EFCAB5: variants seen among roughly 807,000 people sequenced by gnomAD.
EFCAB5 encodes EF-hand calcium-binding domain-containing protein 5.
In EFCAB5, 131 loss-of-function variants were observed where a neutral mutation model predicts 167.9. The observed-to-expected ratio is 0.78, with a 90% CI of 0.68 to 0.90. The LOEUF (loss-of-function observed/expected upper bound fraction) is 0.90, where lower values mean the gene tolerates loss of function less well. EFCAB5 is among the 40% of genes least tolerant of loss of function. EFCAB5 has a pLI of 0.00. For missense variants in EFCAB5, 1,663 were observed against 1,745.2 expected (o/e 0.95, Z 0.84); for synonymous variants, 574 against 602.8 (o/e 0.95, Z 0.70).
intron 22 of EFCAB5, among the ~76,000 whole-genome samples, chr17:30,101,973 G>T (rs2071388433): frequency 6.6e-6 from 1 of 152,210 alleles, no homozygotes; most frequent in South Asian, 2.1e-4. Context: ...GACTTGTCCA[G>T]TTAGCATCCT....
intron 4 of EFCAB5, among the ~76,000 whole-genome samples, chr17:29,983,383 T>C (rs1218021975): frequency 6.6e-6 from 1 of 152,184 alleles, no homozygotes; most frequent in Admixed American, 6.5e-5. Flanking sequence ...AACTTTCTGC[T>C]TACATTCTGT....
chr17:29,940,154 C>A (rs964388139), upstream of EFCAB5, among the ~76,000 whole-genome samples: 6 of 151,538 alleles, frequency 4.0e-5, no homozygotes, highest in African/African-American at 1.5e-4. Context: ...TGGCTCGCTG[C>A]AACCTCCGCC....
intron 12 of EFCAB5, among the ~76,000 whole-genome samples, chr17:30,057,045 T>C (rs1415848434): frequency 6.6e-6 from 1 of 152,236 alleles, no homozygotes; most frequent in East Asian, 1.9e-4. Context: ...ATATACTTCA[T>C]ACTGTACTAT....
rs775173788 is a variant in EFCAB5 at position 30,034,281 on chromosome 17, C to G, written c.1096C>G (p.Leu366Val). The change falls in exon 8 of 23, where the codon CTT becomes GTT. Residue 366 changes from leucine (L) to valine (V), a missense_variant. By Grantham distance (32) the Leu-to-Val change is conservative. Coordinates refer to ENST00000394835, the MANE Select transcript of EFCAB5 (RefSeq NM_198529.4). The part of the protein sequence containing the change: ...DLKSEMFEEL[L>V]KHLCHSADEF... ...GAAGAGTGAAATGTTTGAGGAACTTCTTAAGCACCTTTGCCACTCTGCAGA... is the reference window on the plus strand; with the variant it reads ...GAAGAGTGAAATGTTTGAGGAACTTGTTAAGCACCTTTGCCACTCTGCAGA... 2 of 1,613,994 alleles carry G rather than the reference C, an allele frequency of 1.2e-6. No homozygotes were observed. Among genetic ancestry groups the G allele is most frequent in the Non-Finnish European group, 1.7e-6 (2 of 1,179,900 alleles).
intron 3 of EFCAB5, among the ~76,000 whole-genome samples, chr17:29,947,570 A>T (rs75947867): frequency 0.06 from 9,088 of 151,988 alleles, 510 homozygotes; most frequent in African/African-American, 0.15. Flanking sequence ...AAAATTTAAA[A>T]TTTTTTTTTA....
rs369975163 is a variant in EFCAB5 at position 29,993,178 on chromosome 17, A to G, written c.781A>G (p.Lys261Glu). 33 of 1,610,980 alleles carry G rather than the reference A, an allele frequency of 2.0e-5. No homozygotes were observed. The African/African-American group carries it at 2.9e-4, about 14-fold the overall frequency. ...TACATCCTGCAGAGTATCCAAGATGAAGGAGAATGTTAAACAGAATAGAAA... is the reference window on the plus strand; with the variant it reads ...TACATCCTGCAGAGTATCCAAGATGGAGGAGAATGTTAAACAGAATAGAAA... ...DTICNRVSKM[K>E]ENVKQNRKQR... is the part of the protein sequence containing the mutation. The change falls in exon 5 of 23, where the codon AAG (lysine) becomes GAG (glutamate). Residue 261 changes from lysine (K) to glutamate (E), a missense_variant. Transcript: ENST00000394835.
At chr17:30,106,361 T>C (rs1016797381) in intron 22 of EFCAB5, among the ~76,000 whole-genome samples, 2 of 152,018 alleles carry the variant, frequency 1.3e-5, no homozygotes, top group African/African-American at 4.8e-5. Context: ...TCAGCAAACA[T>C]GTATTGGGTT....
chr17:30,097,400 G>A (rs2071318933), intron 22 of EFCAB5, among the ~76,000 whole-genome samples: 1 of 152,138 alleles, frequency 6.6e-6, no homozygotes, highest in East Asian at 1.9e-4. Context: ...AGAACTAAAA[G>A]CCTAAAAAGA....
chr17:30,049,378 G>A (rs1425366602), intron 8 of EFCAB5, among the ~76,000 whole-genome samples: 1 of 152,102 alleles, frequency 6.6e-6, no homozygotes, highest in Non-Finnish European at 1.5e-5. Flanking sequence ...TACTCCGGAG[G>A]CTGAGGCAGG....
intron 7 of EFCAB5, among the ~76,000 whole-genome samples, chr17:30,030,596 G>T (rs2069453987): frequency 6.6e-6 from 1 of 152,124 alleles, no homozygotes; most frequent in Non-Finnish European, 1.5e-5. Context: ...GCCCACCTCG[G>T]CCTCCCAAGT....
intron 22 of EFCAB5, among the ~76,000 whole-genome samples, chr17:30,099,248 G>C (rs1019967043): frequency 6.6e-6 from 1 of 151,892 alleles, no homozygotes; most frequent in Non-Finnish European, 1.5e-5. Context: ...GATTGCTGTT[G>C]ACAGCCTGGG....
At chr17:30,049,852 T>C (rs1213112446) in intron 8 of EFCAB5, among the ~76,000 whole-genome samples, 1 of 152,200 alleles carries the variant, frequency 6.6e-6, no homozygotes, top group Non-Finnish European at 1.5e-5. Context: ...AATCCAGTAA[T>C]TCCACTTCTA....
chr17:30,102,919 C>T (rs2071400386), intron 22 of EFCAB5, among the ~76,000 whole-genome samples: 1 of 151,980 alleles, frequency 6.6e-6, no homozygotes, highest in African/African-American at 2.4e-5. Flanking sequence ...GCAACCTCTC[C>T]CTCTCAGGCT....
intron 14 of EFCAB5, among the ~76,000 whole-genome samples, chr17:30,072,805 A>G (rs963544582): frequency 6.6e-6 from 1 of 152,008 alleles, no homozygotes; most frequent in Non-Finnish European, 1.5e-5. Context: ...TTAAAGCTAC[A>G]TTTTTCCTCT....
At chr17:30,074,847 T>C (rs548631372) in intron 14 of EFCAB5, among the ~76,000 whole-genome samples, 27 of 152,288 alleles carry the variant, frequency 1.8e-4, no homozygotes, top group Admixed American at 2.6e-4. Flanking sequence ...CCTGGAATTA[T>C]TCATCTCCCC....
intron 7 of EFCAB5, among the ~76,000 whole-genome samples, chr17:30,001,095 C>T (rs981178189): frequency 6.6e-6 from 1 of 152,196 alleles, no homozygotes; most frequent in Non-Finnish European, 1.5e-5. Context: ...CTTAGGCTGT[C>T]CCTTTGCTCC....
chr17:30,069,342 A>G, intron 14 of EFCAB5: 2 of 1,556,854 alleles, frequency 1.3e-6, no homozygotes, highest in Non-Finnish European at 1.8e-6. Flanking sequence ...GAACAGGAAA[A>G]TCAGCGACTA....
upstream of EFCAB5, among the ~76,000 whole-genome samples, chr17:29,938,007 G>A (rs1805451272): frequency 6.6e-6 from 1 of 152,168 alleles, no homozygotes; most frequent in South Asian, 2.1e-4. Flanking sequence ...TATACTAGTG[G>A]CAATGCTACA....
chr17:30,090,519 AG>A lies in EFCAB5; in HGVS notation c.3784del (p.Ala1262LeufsTer26), dbSNP rs1239880931. On this transcript the variant is annotated frameshift_variant, in exon 20 of 23. Coordinates refer to ENST00000394835, the MANE Select transcript of EFCAB5 (RefSeq NM_198529.4). LOFTEE classifies it high-confidence loss of function. ...GTTCCACTTCGTGAGAGAACAGGAG[AG>A]GCTCTGGGAGTCCTCGATTTTAACA... Reference protein sequence around the residue: ...IVVPLRERTGEALGVLDFNIG... With the variant: ...IVVPLRERTGXALGVLDFNIG... The A allele has an allele frequency of 3.1e-6, 5 of 1,614,004 alleles. No homozygotes were observed. The East Asian group carries it at 1.1e-4, about 36-fold the overall frequency.
Sources: allele counts gnomAD v4.1 joint callset (sites outside exome capture counted in the v4.1 genomes callset), GRCh38; gene constraint gnomAD v4.1.1; transcripts MANE v1.5; gene names NCBI Gene and HGNC (gene_info 2026-07-23, HGNC 2026-07-21).